Variants in GRHL2 observed in about 807,000 individuals in gnomAD.
The protein encoded by GRHL2 is grainyhead like transcription factor 2.
GRHL2 carries 21 observed loss-of-function variants against 83.8 expected under a neutral mutation model. That is an observed-to-expected ratio of 0.25 (90% CI 0.18 to 0.36). The LOEUF is 0.36. Among genes scored for constraint, GRHL2 ranks in the 10% least tolerant of loss-of-function variants. The probability of loss-of-function intolerance (pLI) is 1.00; values close to 1 mark genes in which losing one functional copy is unlikely to be tolerated. For synonymous variants in GRHL2, 280 were observed against 278.9 expected, an observed-to-expected ratio of 1.00 and a Z score of -0.04; for missense variants, 623 against 781.8, an observed-to-expected ratio of 0.80 and a Z score of 2.42.
chr8:101,645,070 C>G (rs1488807111), intron 13 of GRHL2, among the ~76,000 whole-genome samples: 1 of 151,058 alleles, frequency 6.6e-6, no homozygotes, highest in Non-Finnish European at 1.5e-5. Context: ...GTCTCAAACT[C>G]CTGAGCTCAA....
At position 101,559,361 on chromosome 8, in the gene GRHL2, A is replaced by AAAT. The variant is rs1001492413; in HGVS notation, c.678+551_678+552insTAA. 2.1e-5 allele frequency among the ~76,000 whole-genome samples: 3 copies of AAAT among 140,010 alleles called. 1 individual carries two copies. The highest frequency in any genetic ancestry group is 9.2e-5 in the African/African-American group (3 of 32,606). 91.9% of individuals were successfully genotyped at this position (140,010 alleles called of 152,430 possible). A position where few individuals can be genotyped will look rare whatever the true frequency, so the allele number is the denominator to read the frequency against. ...TGTCTCTACTAAAAATACAAAAAAAAAAAAAAAAAAAAAAAAAAATTAGCC... is the reference window on the plus strand; with the variant it reads ...TGTCTCTACTAAAAATACAAAAAAAAAATAAAAAAAAAAAAAAAAAAATTAGCC... On this transcript the variant is annotated intron_variant, in intron 4 of 15. Coordinates refer to ENST00000646743, the MANE Select transcript of GRHL2 (RefSeq NM_024915.4).
At chr8:101,554,863 T>C (rs112123822) in intron 3 of GRHL2, among the ~76,000 whole-genome samples, 1 of 28,780 alleles carries the variant, frequency 3.5e-5, no homozygotes, top group Non-Finnish European at 2.1e-4. Context: ...TAGTTTTAAT[T>C]ATTCATTTTT....
chr8:101,673,998 T>C (rs1386978746), downstream of GRHL2, among the ~76,000 whole-genome samples: 4 of 152,050 alleles, frequency 2.6e-5, no homozygotes, highest in African/African-American at 9.7e-5. Context: ...AAAGATGTTC[T>C]TTGAAACCAA....
chr8:101,586,741 G>T (rs993338288), intron 7 of GRHL2, among the ~76,000 whole-genome samples: 19 of 152,186 alleles, frequency 1.2e-4, no homozygotes, highest in African/African-American at 4.6e-4. Context: ...TGAGCACACT[G>T]CCATGTGTGG....
At chr8:101,584,245 A>G (rs1014549192) in intron 7 of GRHL2, among the ~76,000 whole-genome samples, 1 of 152,212 alleles carries the variant, frequency 6.6e-6, no homozygotes, top group Non-Finnish European at 1.5e-5. Context: ...AATTTCAGTT[A>G]TTAGCATATG....
chr8:101,656,873 G>GACAC (rs35693999), intron 14 of GRHL2, among the ~76,000 whole-genome samples: 3,619 of 147,310 alleles, frequency 0.025, 164 homozygotes, highest in African/African-American at 0.086. Flanking sequence ...GTGTCTAACA[G>GACAC]ACACACACAC....
At chr8:101,561,976 A>G (rs1811616210) in intron 4 of GRHL2, 2 of 696,268 alleles carry the variant, frequency 2.9e-6, no homozygotes, top group Admixed American at 1.9e-5. Flanking sequence ...AAATGTACAT[A>G]AAAGAAATGG....
At chr8:101,657,305 T>C (rs899098691) in intron 14 of GRHL2, among the ~76,000 whole-genome samples, 7 of 152,150 alleles carry the variant, frequency 4.6e-5, no homozygotes, top group African/African-American at 1.7e-4. Flanking sequence ...TGAATTGGAA[T>C]TGGTCTGTAC....
At chr8:101,652,547 GGTGTGTA>G (rs1563627534) in intron 14 of GRHL2, among the ~76,000 whole-genome samples, 2 of 50,360 alleles carry the variant, frequency 4.0e-5, no homozygotes, top group Admixed American at 2.1e-4. Flanking sequence ...GTGTGTGTGT[GGTGTGTA>G]TGTGTGGTGG....
chr8:101,602,005 G>A (rs908648355), intron 8 of GRHL2, among the ~76,000 whole-genome samples: 1 of 152,018 alleles, frequency 6.6e-6, no homozygotes, highest in African/African-American at 2.4e-5. Context: ...AGGCCCTGGT[G>A]CGTAATGTTC....
At chr8:101,518,570 A>T (rs73279131) in intron 1 of GRHL2, among the ~76,000 whole-genome samples, 166 of 152,304 alleles carry the variant, frequency 1.1e-3, no homozygotes, top group African/African-American at 3.9e-3. Flanking sequence ...ACCATTCTGC[A>T]GTGCCTGGTC....
intron 14 of GRHL2, among the ~76,000 whole-genome samples, chr8:101,651,523 C>A (rs1281680229): frequency 6.6e-6 from 1 of 152,176 alleles, no homozygotes; most frequent in Non-Finnish European, 1.5e-5. Flanking sequence ...TTTTCTTTAC[C>A]TTCCATGGCA....
intron 1 of GRHL2, among the ~76,000 whole-genome samples, chr8:101,528,376 T>C (rs958680834): frequency 6.6e-6 from 1 of 152,160 alleles, no homozygotes; most frequent in African/African-American, 2.4e-5. Context: ...TCTAGTAGCC[T>C]GTGCTTGTGT....
chr8:101,592,297 G>A (rs957690963), intron 7 of GRHL2, among the ~76,000 whole-genome samples: 8 of 151,758 alleles, frequency 5.3e-5, no homozygotes, highest in African/African-American at 1.9e-4. Flanking sequence ...TAGAGATGGG[G>A]TTTCACCACG....
chr8:101,496,147 C>CAA (rs34918770), intron 1 of GRHL2, among the ~76,000 whole-genome samples: 58,931 of 112,498 alleles, frequency 0.52, 17,969 homozygotes, highest in Non-Finnish European at 0.7. Context: ...GACTCCATCT[C>CAA]AAAAAAAAAA....
chr8:101,515,980 A>T (rs1810565000), intron 1 of GRHL2, among the ~76,000 whole-genome samples: 1 of 152,230 alleles, frequency 6.6e-6, no homozygotes, highest in African/African-American at 2.4e-5. Context: ...AGGTTGGCTC[A>T]GTAGCTTGTC....
intron 1 of GRHL2, among the ~76,000 whole-genome samples, chr8:101,497,945 G>C (rs187332642): frequency 2.4e-4 from 36 of 152,212 alleles, no homozygotes; most frequent in Middle Eastern, 6.8e-3. Context: ...GCTGCTTCTG[G>C]AAGAAAGGGG....
chr8:101,618,851 T>TA (rs1322183216), intron 8 of GRHL2, among the ~76,000 whole-genome samples: 1 of 152,136 alleles, frequency 6.6e-6, no homozygotes, highest in Non-Finnish European at 1.5e-5. Context: ...TTTTTTTTTT[T>TA]ATTCCACAGG....
chr8:101,545,299 C>T (rs919889531), intron 2 of GRHL2, among the ~76,000 whole-genome samples: 3 of 152,076 alleles, frequency 2.0e-5, no homozygotes, highest in Non-Finnish European at 2.9e-5. Flanking sequence ...CTTATGAAGG[C>T]ATAAAACTCC....
Sources: allele counts gnomAD v4.1 joint callset (sites outside exome capture counted in the v4.1 genomes callset), GRCh38; gene constraint gnomAD v4.1.1; transcripts MANE v1.5; gene names NCBI Gene and HGNC (gene_info 2026-07-23, HGNC 2026-07-21).